The following GAB1 variants were observed in gnomAD, a reference collection of about 807,000 sequenced individuals.
GAB1 encodes GRB2 associated binding protein 1.
A neutral mutation model predicts 66.5 loss-of-function variants in GAB1; 19 were observed. The ratio of observed to expected loss-of-function variants is 0.29; its 90% confidence interval spans 0.20 to 0.42. The LOEUF is 0.42. Ranked by LOEUF, GAB1 falls within the 10% of genes least tolerant of loss-of-function variation. GAB1 has a pLI of 1.00. For synonymous variants in GAB1, 294 were observed against 301.4 expected (o/e 0.98, Z 0.25); for missense variants, 732 against 858.5 (o/e 0.85, Z 1.84).
In GAB1 at chr4:143,407,963, A is replaced by G. The variant is rs375946088; in HGVS notation, c.73-7514A>G. On this transcript the variant is annotated intron_variant, in intron 1 of 9. Transcript: ENST00000262994. ...TATTACCATTTACTGCATGGTTTTTAGAGAAAATTAAAGCAATATATTATA... is the reference window on the plus strand; with the variant it reads ...TATTACCATTTACTGCATGGTTTTTGGAGAAAATTAAAGCAATATATTATA... Among the ~76,000 whole-genome samples, 31 of 152,310 alleles carry G rather than the reference A, an allele frequency of 2.0e-4. No homozygotes were observed. The East Asian group carries it at 3.3e-3, about 16-fold the overall frequency.
intron 1 of GAB1, among the ~76,000 whole-genome samples, chr4:143,372,754 C>T (rs1730188785): frequency 2.6e-5 from 4 of 152,168 alleles, no homozygotes; most frequent in Admixed American, 6.6e-5. Context: ...GGGGTATCCC[C>T]ATGATAGCCT....
In GAB1 at chr4:143,337,197, T is replaced by A. The variant is rs1728682140; in HGVS notation, c.9T>A (p.Gly3=). The change falls in exon 1 of 10, where the codon GGT becomes GGA. Residue 3 remains glycine (G), a synonymous_variant. Transcript: ENST00000262994. ...CCCGAGACGCGCGCACCATGAGCGG[T>A]GGTGAAGTGGTCTGCTCCGGATGGC... MS[G]GEVVCSGWLR... is the part of the protein sequence containing the mutation. The A allele has an allele frequency of 6.3e-7, 1 of 1,580,718 alleles. No individual in the cohort carries two copies. Among genetic ancestry groups the A allele is most frequent in the Non-Finnish European group, 8.6e-7 (1 of 1,163,234 alleles).
chr4:143,464,540 T>TA (rs1735680634), intron 8 of GAB1, among the ~76,000 whole-genome samples: 2 of 152,160 alleles, frequency 1.3e-5, no homozygotes, highest in Non-Finnish European at 2.9e-5. Context: ...ATTTTATATA[T>TA]TTTTTTAATG....
At chr4:143,357,888 T>C (rs556116153) in intron 1 of GAB1, among the ~76,000 whole-genome samples, 2 of 151,894 alleles carry the variant, frequency 1.3e-5, no homozygotes, top group Non-Finnish European at 2.9e-5. Flanking sequence ...ATATGAATTA[T>C]CAGAAAGAGG....
chr4:143,440,401 A>C lies in GAB1; in HGVS notation c.1585+19A>C. The C allele has an allele frequency of 6.3e-7, 1 of 1,577,754 alleles. No homozygotes were observed. The highest frequency in any genetic ancestry group is 8.6e-7 in the Non-Finnish European group (1 of 1,163,358). On this transcript the variant is annotated intron_variant, in intron 6 of 9. Coordinates refer to ENST00000262994, the MANE Select transcript of GAB1 (RefSeq NM_002039.4). ...AGAAAAGGTAAGGAGAGCATGGCAA[A>C]GTAAAAGGCTTGGGGAGTGCCAAGT...
chr4:143,428,155 C>T (rs542822672), intron 2 of GAB1, among the ~76,000 whole-genome samples: 3 of 152,284 alleles, frequency 2.0e-5, no homozygotes, highest in East Asian at 3.9e-4. Flanking sequence ...CTGGCTTAAT[C>T]GGTAGGGATA....
At chr4:143,342,734 T>C (rs570596300) in intron 1 of GAB1, among the ~76,000 whole-genome samples, 1 of 151,660 alleles carries the variant, frequency 6.6e-6, no homozygotes, top group Non-Finnish European at 1.5e-5. Flanking sequence ...ATTTTTTTTT[T>C]GTATTTTTAG....
chr4:143,428,023 G>A (rs934915916), intron 2 of GAB1, among the ~76,000 whole-genome samples: 2 of 152,330 alleles, frequency 1.3e-5, no homozygotes, highest in African/African-American at 2.4e-5. Flanking sequence ...GCCTATGGGG[G>A]TGGGAATATG....
intron 1 of GAB1, among the ~76,000 whole-genome samples, chr4:143,372,052 C>T (rs574013210): frequency 7.2e-4 from 109 of 152,170 alleles, no homozygotes; most frequent in African/African-American, 2.4e-3. Context: ...TGGCTGGGCA[C>T]GGTGGCTAGT....
Position 143,460,243 on chromosome 4 carries a change from T to C in GAB1, c.1680-121T>C, listed in dbSNP as rs1325451796. 5.7e-6 allele frequency: 5 copies of C among 880,956 alleles called. No homozygotes were observed. The African/African-American group carries it at 8.4e-5, about 15-fold the overall frequency. 54.6% of individuals were successfully genotyped at this position (880,956 alleles called of 1,614,324 possible). On this transcript the variant is annotated intron_variant, in intron 7 of 9. Coordinates refer to ENST00000262994, the MANE Select transcript of GAB1 (RefSeq NM_002039.4). ...CATCATTATAAATGTGTACAATGAA[T>C]GATTATAAACATAAGGGAATATTTC...
chr4:143,448,904 C>A lies in GAB1; in HGVS notation c.1585+8522C>A, dbSNP rs894995119. On this transcript the variant is annotated intron_variant, in intron 6 of 9. Transcript: ENST00000262994. ...GTTAGGGTGTCAATTTTGGATCTTT[C>A]CTGCTTTCTCTTGTAGGCATTTAGT... Among the ~76,000 whole-genome samples, 201 of 151,674 alleles carry A rather than the reference C, an allele frequency of 1.3e-3. 1 individual carries two copies. The highest frequency in any genetic ancestry group is 4.7e-3 in the African/African-American group (193 of 41,250).
At chr4:143,422,795 A>G (rs1733093918) in intron 2 of GAB1, among the ~76,000 whole-genome samples, 1 of 152,238 alleles carries the variant, frequency 6.6e-6, no homozygotes, top group Admixed American at 6.5e-5. Flanking sequence ...ATAGCTTCCT[A>G]AGTAAATTTC....
At chr4:143,382,936 A>G (rs1469032048) in intron 1 of GAB1, among the ~76,000 whole-genome samples, 1 of 152,186 alleles carries the variant, frequency 6.6e-6, no homozygotes, top group East Asian at 1.9e-4. Context: ...TGTTGTTGTG[A>G]AGTAGAAACT....
At position 143,469,270 on chromosome 4, in the gene GAB1, C is replaced by G; in HGVS notation, c.*81C>G. On this transcript the variant is annotated 3_prime_UTR_variant, in exon 10 of 10. Transcript: ENST00000262994. ...CTTTTGAAGAATGACTTGACACTTC[C>G]ACTCTAGGTAGATCCTCAAATGAGT... is the stretch of plus-strand genomic sequence containing the variant. The G allele has an allele frequency of 7.2e-7, 1 of 1,387,600 alleles. No individual in the cohort carries two copies. Among genetic ancestry groups the G allele is most frequent in the Non-Finnish European group, 9.9e-7 (1 of 1,008,520 alleles). 86.0% of individuals were successfully genotyped at this position (1,387,600 alleles called of 1,614,324 possible).
intron 9 of GAB1, 48 bp from the exon 10 acceptor site, chr4:143,468,983 G>T: frequency 6.3e-7 from 1 of 1,592,310 alleles, no homozygotes; most frequent in Non-Finnish European, 8.6e-7. Context: ...TTGTACTCAG[G>T]AACACTCCTT....
intron 1 of GAB1, 65 bp downstream of exon 1, chr4:143,337,325 C>T (rs751261243): frequency 3.7e-5 from 52 of 1,414,968 alleles, no homozygotes; most frequent in Non-Finnish European, 4.9e-5. Flanking sequence ...AGTCGGCTCG[C>T]CGGCGGCTGC....
rs897488918 is a variant in GAB1 at position 143,440,395 on chromosome 4, T to C, written c.1585+13T>C. ...CCAGACAGAAAAGGTAAGGAGAGCA[T>C]GGCAAAGTAAAAGGCTTGGGGAGTG... On this transcript the variant is annotated intron_variant, in intron 6 of 9. Transcript: ENST00000262994. The C allele has an allele frequency of 6.3e-7, 1 of 1,585,634 alleles. No homozygotes were observed. Among genetic ancestry groups the C allele is most frequent in the African/African-American group, 1.4e-5 (1 of 73,716 alleles).
At chr4:143,432,766 A>G (rs1489741467) in intron 2 of GAB1, among the ~76,000 whole-genome samples, 1 of 152,166 alleles carries the variant, frequency 6.6e-6, no homozygotes, top group African/African-American at 2.4e-5. Context: ...ATGGTTTTCA[A>G]ATTGCTTCAT....
intron 6 of GAB1, among the ~76,000 whole-genome samples, chr4:143,445,939 T>C (rs28776014): frequency 0.46 from 69,393 of 151,864 alleles, 19,354 homozygotes; most frequent in African/African-American, 0.79. Context: ...GCTATCCTTC[T>C]ACCTTCCCCC....
Sources: gnomAD v4.1 joint callset for allele counts (sites outside exome capture counted in the v4.1 genomes callset) on GRCh38, gnomAD v4.1.1 for gene constraint, MANE v1.5 for transcripts, NCBI Gene and HGNC (gene_info 2026-07-23, HGNC 2026-07-21) for gene names.